The following IQCM variants were observed in gnomAD, a reference collection of about 807,000 sequenced individuals.
IQCM encodes the protein IQ motif containing M.
A neutral mutation model predicts 57.6 loss-of-function variants in IQCM; 45 were observed. The observed-to-expected ratio is 0.78, with a 90% confidence interval of 0.62 to 1.00. The LOEUF is 1.00. Ranked by LOEUF, IQCM falls within the 50% of genes least tolerant of loss-of-function variation. The pLI is 0.00. For synonymous variants in IQCM, 148 were observed against 158.9 expected (o/e 0.93, Z 0.51); for missense variants, 468 against 511.6 (o/e 0.91, Z 0.82).
At chr4:149,581,679 G>C (rs1382353205) in intron 9 of IQCM, among the ~76,000 whole-genome samples, 2 of 151,616 alleles carry the variant, frequency 1.3e-5, no homozygotes, top group African/African-American at 4.8e-5. Context: ...GTCTAGGGTT[G>C]GGTTCCACTT....
intron 8 of IQCM, among the ~76,000 whole-genome samples, chr4:149,598,897 G>C (rs906709991): frequency 1.3e-5 from 2 of 152,156 alleles, no homozygotes; most frequent in Non-Finnish European, 2.9e-5. Flanking sequence ...GGAGTAAATA[G>C]AGGAGCTGCT....
chr4:149,796,031 G>A (rs1282539627), intron 2 of IQCM, among the ~76,000 whole-genome samples: 1 of 152,182 alleles, frequency 6.6e-6, no homozygotes, highest in Admixed American at 6.5e-5. Flanking sequence ...GAGACTCCTT[G>A]TGCTTGAGAA....
intron 12 of IQCM, among the ~76,000 whole-genome samples, chr4:149,484,500 G>A (rs1452816544): frequency 2.0e-5 from 3 of 151,834 alleles, no homozygotes; most frequent in Non-Finnish European, 4.4e-5. Flanking sequence ...CAGAGGCCAT[G>A]CAAATACTCT....
chr4:149,716,219 C>T (rs555256963), intron 5 of IQCM, among the ~76,000 whole-genome samples: 23 of 152,212 alleles, frequency 1.5e-4, no homozygotes, highest in Non-Finnish European at 3.1e-4. Flanking sequence ...TTCAGCAACC[C>T]CCTTGGCCTC....
In IQCM at chr4:149,597,325, A is replaced by T. The variant is rs41533253; in HGVS notation, c.682-9328T>A. On this transcript the variant is annotated intron_variant, in intron 8 of 13. Transcript: ENST00000636793. The stretch of plus-strand genomic sequence containing the variant: ...GAGGAAAAAGAGTAAGGACAATGAC[A>T]ATTGAATGACTCACATTTGTCTGAT... 8.7e-3 allele frequency among the ~76,000 whole-genome samples: 1,331 copies of T among 152,270 alleles called. 12 individuals are homozygous for T. Among genetic ancestry groups the T allele is most frequent in the African/African-American group, 0.03 (1,260 of 41,554 alleles).
At chr4:149,696,210 C>T (rs141271915) in intron 5 of IQCM, among the ~76,000 whole-genome samples, 196 of 152,214 alleles carry the variant, frequency 1.3e-3, no homozygotes, top group African/African-American at 4.4e-3. Context: ...ACAATGACTT[C>T]CATGGTAGCA....
intron 5 of IQCM, among the ~76,000 whole-genome samples, chr4:149,687,451 T>C (rs1377463598): frequency 1.3e-5 from 2 of 151,444 alleles, no homozygotes; most frequent in Non-Finnish European, 3.0e-5. Context: ...AAAAACAATA[T>C]AGTAGGAAAG....
chr4:149,647,613 T>C (rs1758761281), intron 7 of IQCM, among the ~76,000 whole-genome samples: 2 of 152,074 alleles, frequency 1.3e-5, no homozygotes, highest in Admixed American at 1.3e-4. Context: ...TCCTTTTTCT[T>C]TTACTTCTTT....
intron 9 of IQCM, among the ~76,000 whole-genome samples, chr4:149,564,768 C>G (rs1417160228): frequency 6.6e-6 from 1 of 151,896 alleles, no homozygotes; most frequent in Non-Finnish European, 1.5e-5. Context: ...GACGGCCTAT[C>G]GTGGGACCTC....
intron 3 of IQCM, 60 bp downstream of exon 3, chr4:149,742,595 G>T: frequency 1.0e-6 from 1 of 962,238 alleles, no homozygotes; most frequent in Non-Finnish European, 1.3e-6. Context: ...ATAGAAAAGA[G>T]TGGTTAAAAC....
intron 13 of IQCM, among the ~76,000 whole-genome samples, chr4:149,375,688 T>G (rs1046333329): frequency 2.0e-5 from 3 of 152,186 alleles, no homozygotes; most frequent in Non-Finnish European, 4.4e-5. Context: ...TTCTTGCTGC[T>G]GTTTTTCCTA....
At chr4:149,714,332 T>A (rs1363612829) in intron 5 of IQCM, among the ~76,000 whole-genome samples, 2 of 152,204 alleles carry the variant, frequency 1.3e-5, no homozygotes, top group Non-Finnish European at 2.9e-5. Flanking sequence ...CACAGCTTAC[T>A]ACTCAGACTT....
intron 8 of IQCM, among the ~76,000 whole-genome samples, chr4:149,607,452 G>T (rs1410132132): frequency 6.6e-6 from 1 of 152,128 alleles, no homozygotes; most frequent in Admixed American, 6.5e-5. Flanking sequence ...CATCTTGAAG[G>T]TATACAACTC....
chr4:149,725,600 C>G (rs1391234113), intron 5 of IQCM, among the ~76,000 whole-genome samples: 2 of 151,692 alleles, frequency 1.3e-5, no homozygotes, highest in Non-Finnish European at 3.0e-5. Context: ...CCTTGTGCTC[C>G]TGATAAAATC....
chr4:149,748,401 C>CA (rs1474062275), intron 2 of IQCM, among the ~76,000 whole-genome samples: 8 of 152,080 alleles, frequency 5.3e-5, no homozygotes, highest in South Asian at 2.1e-4. Flanking sequence ...CTTTAAATCA[C>CA]AAAAAAGCAG....
chr4:149,684,309 T>A (rs950948784), intron 6 of IQCM, among the ~76,000 whole-genome samples: 1 of 151,268 alleles, frequency 6.6e-6, no homozygotes, highest in South Asian at 2.1e-4. Flanking sequence ...AGGGAAGAAA[T>A]CATATATTTA....
At chr4:149,498,522 C>A (rs1579270514) in intron 12 of IQCM, among the ~76,000 whole-genome samples, 1 of 152,234 alleles carries the variant, frequency 6.6e-6, no homozygotes, top group Non-Finnish European at 1.5e-5. Flanking sequence ...CCCAGCAACC[C>A]TGGTACAGCA....
At chr4:149,780,555 T>C (rs1323045051) in intron 2 of IQCM, among the ~76,000 whole-genome samples, 1 of 139,892 alleles carries the variant, frequency 7.1e-6, no homozygotes, top group Non-Finnish European at 1.6e-5. Context: ...ATAAAACATA[T>C]TTTTTTCCAC....
intron 5 of IQCM, among the ~76,000 whole-genome samples, chr4:149,719,472 C>T (rs1765269385): frequency 2.0e-5 from 3 of 152,160 alleles, no homozygotes; most frequent in Admixed American, 2.0e-4. Flanking sequence ...GGGATTTGAG[C>T]CTGGGAAGTT....
Sources: gnomAD v4.1 joint callset for allele counts (sites outside exome capture counted in the v4.1 genomes callset) on GRCh38, gnomAD v4.1.1 for gene constraint, MANE v1.5 for transcripts, NCBI Gene and HGNC (gene_info 2026-07-23, HGNC 2026-07-21) for gene names.